GALNTL6: variants seen among roughly 807,000 people sequenced by gnomAD.
GALNTL6 encodes polypeptide N-acetylgalactosaminyltransferase like 6.
GALNTL6 carries 46 observed loss-of-function variants against 73.7 expected under a neutral mutation model. The ratio of observed to expected loss-of-function variants is 0.62; its 90% CI spans 0.49 to 0.80. GALNTL6 has a LOEUF of 0.80. Among genes scored for constraint, GALNTL6 ranks in the 30% least tolerant of loss-of-function variants. GALNTL6 has a pLI of 0.00. For missense variants in GALNTL6, 604 were observed against 755.0 expected (o/e 0.80, Z 2.34); for synonymous variants, 259 against 263.7 (o/e 0.98, Z 0.17).
At chr4:171,975,228 C>G (rs1739685919) in intron 2 of GALNTL6, among the ~76,000 whole-genome samples, 1 of 152,092 alleles carries the variant, frequency 6.6e-6, no homozygotes, top group Non-Finnish European at 1.5e-5. Flanking sequence ...AAGTAATTTT[C>G]TAGAAGTCAT....
chr4:171,976,813 A>C (rs1739737520), intron 2 of GALNTL6, among the ~76,000 whole-genome samples: 2 of 152,226 alleles, frequency 1.3e-5, no homozygotes, highest in Non-Finnish European at 2.9e-5. Context: ...TCATAACATG[A>C]AACTTTCAGG....
intron 2 of GALNTL6, among the ~76,000 whole-genome samples, chr4:171,957,264 G>C (rs945479972): frequency 3.9e-5 from 6 of 152,182 alleles, no homozygotes; most frequent in Admixed American, 6.5e-5. Context: ...TAACATGAAT[G>C]AATAGCAAAA....
At chr4:172,289,819 C>T (rs947540416) in intron 3 of GALNTL6, among the ~76,000 whole-genome samples, 1 of 152,142 alleles carries the variant, frequency 6.6e-6, no homozygotes, top group Non-Finnish European at 1.5e-5. Flanking sequence ...CAGCAACCCT[C>T]CTAGAAGAGA....
chr4:172,866,210 T>A (rs1040488731), intron 7 of GALNTL6, among the ~76,000 whole-genome samples: 2 of 152,134 alleles, frequency 1.3e-5, no homozygotes, highest in African/African-American at 4.8e-5. Flanking sequence ...AAAATAGAAA[T>A]CTGATTATGC....
chr4:172,571,506 G>GT lies in GALNTL6; in HGVS notation c.553+222824dup, dbSNP rs551675826. Among the ~76,000 whole-genome samples the GT allele has an allele frequency of 1.9e-4, 29 of 152,246 alleles. No individual in the cohort carries two copies. The East Asian group carries it at 4.4e-3, about 23-fold the overall frequency. The stretch of plus-strand genomic sequence containing the variant: ...GACTGTCTAGATGTTCTGAAGACAA[G>GT]TTTTTTTAAAAAATACCCCTTAATT... On this transcript the variant is annotated intron_variant, in intron 5 of 12. Transcript: ENST00000506823.
At chr4:172,431,226 T>C (rs1731436531) in intron 5 of GALNTL6, among the ~76,000 whole-genome samples, 1 of 152,184 alleles carries the variant, frequency 6.6e-6, no homozygotes, top group African/African-American at 2.4e-5. Flanking sequence ...CATATTCTAA[T>C]TATACCAATA....
chr4:172,135,037 T>C (rs1336973546), intron 2 of GALNTL6, among the ~76,000 whole-genome samples: 1 of 152,198 alleles, frequency 6.6e-6, no homozygotes, highest in Non-Finnish European at 1.5e-5. Flanking sequence ...AGATCATTTA[T>C]GATGAGACCT....
intron 5 of GALNTL6, among the ~76,000 whole-genome samples, chr4:172,623,933 A>G (rs888131545): frequency 6.6e-6 from 1 of 152,100 alleles, no homozygotes; most frequent in African/African-American, 2.4e-5. Flanking sequence ...TATATTTTGC[A>G]TGCATTTTAC....
chr4:172,498,008 T>TC (rs1269521185), intron 5 of GALNTL6, among the ~76,000 whole-genome samples: 1 of 148,892 alleles, frequency 6.7e-6, no homozygotes, highest in East Asian at 2.0e-4. Flanking sequence ...TTTTGTTTTT[T>TC]TGAGATGGAG....
chr4:172,735,435 C>T (rs1736403001), intron 5 of GALNTL6, among the ~76,000 whole-genome samples: 1 of 152,134 alleles, frequency 6.6e-6, no homozygotes, highest in Admixed American at 6.5e-5. Context: ...TTACCCATTG[C>T]CTATACCCCC....
chr4:172,401,735 A>C (rs963064427), intron 5 of GALNTL6, among the ~76,000 whole-genome samples: 1 of 152,136 alleles, frequency 6.6e-6, no homozygotes, highest in African/African-American at 2.4e-5. Context: ...GGCTAAATTA[A>C]ATTATACTGT....
At chr4:171,996,723 C>CAAAA (rs35734964) in intron 2 of GALNTL6, among the ~76,000 whole-genome samples, 3 of 94,184 alleles carry the variant, frequency 3.2e-5, no homozygotes, top group Non-Finnish European at 4.6e-5. Flanking sequence ...AGCTGACGAG[C>CAAAA]AAAAAAAAAA....
chr4:172,118,156 G>A (rs766589004), intron 2 of GALNTL6, among the ~76,000 whole-genome samples: 3 of 152,046 alleles, frequency 2.0e-5, no homozygotes, highest in Non-Finnish European at 4.4e-5. Context: ...AATGAAAAAT[G>A]TTGATAAAAG....
intron 5 of GALNTL6, among the ~76,000 whole-genome samples, chr4:172,762,055 TC>T (rs746445886): frequency 3.3e-5 from 5 of 152,254 alleles, no homozygotes; most frequent in Non-Finnish European, 7.3e-5. Context: ...TGTTTACTGA[TC>T]TTTTTACTTA....
intron 7 of GALNTL6, among the ~76,000 whole-genome samples, chr4:172,840,025 A>G (rs1424182928): frequency 6.6e-6 from 1 of 152,222 alleles, no homozygotes; most frequent in Non-Finnish European, 1.5e-5. Context: ...AATGCTTCAA[A>G]TATTTTCAAA....
chr4:172,593,901 G>C (rs1482143075), intron 5 of GALNTL6, among the ~76,000 whole-genome samples: 2 of 151,910 alleles, frequency 1.3e-5, no homozygotes, highest in Non-Finnish European at 2.9e-5. Context: ...AGCTAATTTT[G>C]TATTTTTAGT....
chr4:171,964,664 A>G (rs970392677), intron 2 of GALNTL6, among the ~76,000 whole-genome samples: 1 of 152,204 alleles, frequency 6.6e-6, no homozygotes, highest in African/African-American at 2.4e-5. Flanking sequence ...TTATTCTCTA[A>G]GAACACTTTA....
chr4:172,763,943 T>A lies in GALNTL6; in HGVS notation c.554-45418T>A, dbSNP rs574940991. On this transcript the variant is annotated intron_variant, in intron 5 of 12. Coordinates refer to ENST00000506823, the MANE Select transcript of GALNTL6 (RefSeq NM_001034845.3). ...ATTACTAATAATCAAAAAAGAGCAA[T>A]TTCAAACAAGGTGTATTTTTTTTTT... 5.5e-5 allele frequency among the ~76,000 whole-genome samples: 8 copies of A among 146,684 alleles called. No individual in the cohort carries two copies. The South Asian group carries it at 1.7e-3, about 32-fold the overall frequency.
chr4:172,184,220 T>C (rs913181084), intron 2 of GALNTL6, among the ~76,000 whole-genome samples: 2 of 152,176 alleles, frequency 1.3e-5, no homozygotes, highest in African/African-American at 4.8e-5. Context: ...TTGCAGACAT[T>C]GGTAGTGGTC....
Sources: allele counts gnomAD v4.1 joint callset (sites outside exome capture counted in the v4.1 genomes callset), GRCh38; gene constraint gnomAD v4.1.1; transcripts MANE v1.5; gene names NCBI Gene and HGNC (gene_info 2026-07-23, HGNC 2026-07-21).